Variants in TP63 observed in about 807,000 individuals in gnomAD.
TP63 encodes the protein tumor protein 63.
In TP63, 17 loss-of-function variants were observed where a neutral mutation model predicts 82.8. That is an observed-to-expected ratio of 0.21 (90% CI 0.14 to 0.31). TP63 has a LOEUF of 0.31. TP63 is among the 10% of genes least tolerant of loss of function. The probability of loss-of-function intolerance (pLI) is 1.00; values close to 1 mark genes in which losing one functional copy is unlikely to be tolerated. For missense variants in TP63, 648 were observed against 895.3 expected (o/e 0.72, Z 3.52); for synonymous variants, 330 against 321.7 (o/e 1.03, Z -0.28).
chr3:189,718,737 A>T (rs1468773193), intron 1 of TP63, among the ~76,000 whole-genome samples: 3 of 152,128 alleles, frequency 2.0e-5, no homozygotes, highest in Non-Finnish European at 4.4e-5. Flanking sequence ...AAGTTAGCCA[A>T]CTAATATAAG....
At chr3:189,725,660 C>A (rs1363852601) in intron 1 of TP63, among the ~76,000 whole-genome samples, 1 of 152,072 alleles carries the variant, frequency 6.6e-6, no homozygotes, top group Non-Finnish European at 1.5e-5. Context: ...GGGAGGAAAT[C>A]CTGCTTCGGA....
At position 189,790,007 on chromosome 3, in the gene TP63, AT is replaced by A. The variant is rs557500463; in HGVS notation, c.325-18252del. Reference sequence around the variant, plus strand: ...TAATGTTTTCTGTGGTGGCTGTAAGATTTTTTTTTTTTTATTAAGTAGGAGA... The same window carrying A: ...TAATGTTTTCTGTGGTGGCTGTAAGATTTTTTTTTTTTATTAAGTAGGAGA... On this transcript the variant is annotated intron_variant, in intron 3 of 13. Coordinates refer to ENST00000264731, the MANE Select transcript of TP63 (RefSeq NM_003722.5). Among the ~76,000 whole-genome samples, 363 of 145,588 alleles carry A rather than the reference AT, an allele frequency of 2.5e-3. 7 individuals carry two copies. The South Asian group carries it at 0.026, about 10-fold the overall frequency.
In TP63 at chr3:189,724,054, C is replaced by T. The variant is rs574789502; in HGVS notation, c.63-13686C>T. ...GTCTCATTGTTGCAAATATCCACTC[C>T]ACTCCTCACAGAGGTCATTGCAATA... On this transcript the variant is annotated intron_variant, in intron 1 of 13. Transcript: ENST00000264731. 1.4e-3 allele frequency among the ~76,000 whole-genome samples: 202 copies of T among 146,180 alleles called. 1 individual carries two copies. Among genetic ancestry groups the T allele is most frequent in the African/African-American group, 5.0e-3 (197 of 39,342 alleles).
Position 189,866,534 on chromosome 3 carries a change from G to A in TP63, c.767-148G>A, listed in dbSNP as rs182459143. ...CTTCATGTATTTGATATCTGGCTAT[G>A]GGATCTGTTCGTTTCTTCAAGGATG... On this transcript the variant is annotated intron_variant, in intron 5 of 13. Coordinates refer to ENST00000264731, the MANE Select transcript of TP63 (RefSeq NM_003722.5). 76 of 703,702 alleles carry A rather than the reference G, an allele frequency of 1.1e-4. No homozygotes were observed. In the African/African-American group the frequency reaches 1.2e-3, roughly 11 times the overall value. The allele number at this position is 703,702 out of a possible 1,614,324, so 43.6% of individuals were successfully genotyped here. A position where few individuals can be genotyped will look rare whatever the true frequency, so the allele number is the denominator to read the frequency against.
chr3:189,599,682 A>G, the TP63 span, among the ~76,000 whole-genome samples: 1 of 152,300 alleles, frequency 6.6e-6, no homozygotes, highest in East Asian at 1.9e-4. Flanking sequence ...AAGAAAAACC[A>G]TTAGTAGATT....
intron 1 of TP63, among the ~76,000 whole-genome samples, chr3:189,727,868 G>T (rs554911256): frequency 1.6e-4 from 25 of 152,290 alleles, no homozygotes; most frequent in African/African-American, 5.5e-4. Context: ...TACTGTGTTT[G>T]CATGCTATAA....
chr3:189,716,015 T>C (rs1470487845), intron 1 of TP63, among the ~76,000 whole-genome samples: 1 of 152,228 alleles, frequency 6.6e-6, no homozygotes, highest in Non-Finnish European at 1.5e-5. Context: ...CTAAAAACTA[T>C]ATACATCTCA....
intron 1 of TP63, among the ~76,000 whole-genome samples, chr3:189,658,563 A>G (rs1048567295): frequency 6.6e-6 from 1 of 152,042 alleles, no homozygotes; most frequent in Admixed American, 6.6e-5. Flanking sequence ...AATGGCTTTG[A>G]TCCCCCTTGG....
chr3:189,822,426 G>C (rs934278674), intron 4 of TP63, among the ~76,000 whole-genome samples: 1 of 151,842 alleles, frequency 6.6e-6, no homozygotes, highest in Non-Finnish European at 1.5e-5. Context: ...AATCTGAAAT[G>C]GTCCATAGAA....
At chr3:189,839,532 T>G (rs1713667303) in intron 4 of TP63, among the ~76,000 whole-genome samples, 1 of 152,234 alleles carries the variant, frequency 6.6e-6, no homozygotes, top group African/African-American at 2.4e-5. Context: ...TTTATTTTCT[T>G]TGTTTTGTGA....
intron 13 of TP63, 84 bp downstream of exon 13, chr3:189,890,966 T>G (rs1281589725): frequency 7.2e-7 from 1 of 1,383,862 alleles, no homozygotes; most frequent in Non-Finnish European, 1.0e-6. Flanking sequence ...CAATCCCTGA[T>G]AGTTTAAAAA....
rs1553859599 is a variant in TP63 at position 189,875,597 on chromosome 3, T to TATATAC, written c.1349+2607_1349+2608insCATATA. ...AAAAAGAAAAAAAAATACATACATA[T>TATATAC]ATATATATATATATATATATATATA... On this transcript the variant is annotated intron_variant, in intron 10 of 13. Transcript: ENST00000264731. Among the ~76,000 whole-genome samples, 279 of 34,654 alleles carry TATATAC rather than the reference T, an allele frequency of 8.1e-3. 1 individual carries two copies. The highest frequency in any genetic ancestry group is 0.012 in the Non-Finnish European group (172 of 14,204). The allele number at this position is 34,654 out of a possible 152,430, so 22.7% of individuals were successfully genotyped here. A position where few individuals can be genotyped will look rare whatever the true frequency, so the allele number is the denominator to read the frequency against.
At chr3:189,692,031 G>C (rs372875146) in intron 1 of TP63, among the ~76,000 whole-genome samples, 26 of 152,092 alleles carry the variant, frequency 1.7e-4, no homozygotes, top group African/African-American at 6.0e-4. Context: ...TATTGCTACG[G>C]GTTGTCATCT....
rs77717492 is a variant in TP63 at position 189,853,893 on chromosome 3, A to G, written c.580-10339A>G. Among the ~76,000 whole-genome samples, 742 of 152,248 alleles carry G rather than the reference A, an allele frequency of 4.9e-3. 4 individuals are homozygous for G. The highest frequency in any genetic ancestry group is 7.1e-3 in the Non-Finnish European group (483 of 68,020). ...CATAACACTTGCAGATGGTTCCTTT[A>G]TACCCAGTGTATTTTGGTTGTTTTT... On this transcript the variant is annotated intron_variant, in intron 4 of 13. Coordinates refer to ENST00000264731, the MANE Select transcript of TP63 (RefSeq NM_003722.5).
intron 4 of TP63, among the ~76,000 whole-genome samples, chr3:189,819,344 G>T (rs750761990): frequency 3.2e-4 from 49 of 151,884 alleles, no homozygotes; most frequent in Non-Finnish European, 4.4e-4. Flanking sequence ...TGCACAATGT[G>T]CAGGTTTGTT....
At chr3:189,856,869 T>G (rs557784778) in intron 4 of TP63, among the ~76,000 whole-genome samples, 90 of 152,064 alleles carry the variant, frequency 5.9e-4, no homozygotes, top group Non-Finnish European at 1.0e-3. Flanking sequence ...TGAGTAAAAT[T>G]AAAGATACTC....
intron 1 of TP63, among the ~76,000 whole-genome samples, chr3:189,666,462 C>T (rs10155037): frequency 0.44 from 67,021 of 151,794 alleles, 16,189 homozygotes; most frequent in Middle Eastern, 0.69. Context: ...TAGACTTATA[C>T]TGTAATTATG....
intron 1 of TP63, among the ~76,000 whole-genome samples, chr3:189,664,330 G>C (rs962622351): frequency 2.0e-5 from 3 of 152,026 alleles, no homozygotes; most frequent in Non-Finnish European, 2.9e-5. Flanking sequence ...AATATGAAGG[G>C]CAGTACTATG....
At chr3:189,795,351 C>T (rs559466023) in intron 3 of TP63, among the ~76,000 whole-genome samples, 56 of 152,064 alleles carry the variant, frequency 3.7e-4, no homozygotes, top group Non-Finnish European at 6.8e-4. Flanking sequence ...TTCTAGCCTC[C>T]GTGAATTCAT....
Sources: gnomAD v4.1 joint callset for allele counts (sites outside exome capture counted in the v4.1 genomes callset) on GRCh38, gnomAD v4.1.1 for gene constraint, MANE v1.5 for transcripts, NCBI Gene and HGNC (gene_info 2026-07-23, HGNC 2026-07-21) for gene names.